PXDNL: variants seen among roughly 807,000 people sequenced by gnomAD.
PXDNL encodes peroxidasin like.
In PXDNL, 145 loss-of-function variants were observed where a neutral mutation model predicts 150.8. That is an observed-to-expected ratio of 0.96 (90% confidence interval 0.84 to 1.10). The LOEUF (loss-of-function observed/expected upper bound fraction) is 1.10. Among genes scored for constraint, PXDNL ranks in the 50% least tolerant of loss-of-function variants. The pLI, the probability that PXDNL is intolerant of heterozygous loss-of-function variation, is 0.00. For missense variants in PXDNL, 2,087 were observed against 1,873.9 expected (o/e 1.11, Z -2.10); for synonymous variants, 757 against 725.7 (o/e 1.04, Z -0.69).
chr8:51,350,376 T>TTTTTTTTTTTTTTTTTTG (rs1806310577), intron 19 of PXDNL, among the ~76,000 whole-genome samples: 1 of 144,298 alleles, frequency 6.9e-6, no homozygotes, highest in African/African-American at 2.8e-5. Flanking sequence ...TTTTTTTTTT[T>TTTTTTTTTTTTTTTTTTG]GAGAGGGAGT....
intron 17 of PXDNL, among the ~76,000 whole-genome samples, chr8:51,384,155 T>C (rs575808484): frequency 6.6e-6 from 1 of 152,294 alleles, no homozygotes; most frequent in African/African-American, 2.4e-5. Flanking sequence ...ATTTGAAACA[T>C]GTCCTTTGGC....
Position 51,461,540 on chromosome 8 carries a change from C to T in PXDNL, c.813-3873G>A, listed in dbSNP as rs183065129. On this transcript the variant is annotated intron_variant, in intron 8 of 22. Coordinates refer to ENST00000356297, the MANE Select transcript of PXDNL (RefSeq NM_144651.5). ...AAAAACCCAAGCCGTGGGCACTACA[C>T]CAACTGCATAGCCAAAACAACTCCA... Among the ~76,000 whole-genome samples, 3 of 152,378 alleles carry T rather than the reference C, an allele frequency of 2.0e-5. No homozygotes were observed. The East Asian group carries it at 5.8e-4, about 29-fold the overall frequency.
chr8:51,525,446 G>A (rs897289733), intron 4 of PXDNL, among the ~76,000 whole-genome samples: 1 of 152,118 alleles, frequency 6.6e-6, no homozygotes, highest in Admixed American at 6.5e-5. Context: ...GGTCTGCTTC[G>A]CTCTCTATCT....
chr8:51,626,264 C>T (rs546961095), intron 2 of PXDNL, among the ~76,000 whole-genome samples: 2 of 152,310 alleles, frequency 1.3e-5, no homozygotes, highest in South Asian at 4.1e-4. Flanking sequence ...CTCATCTATA[C>T]AACTACATAA....
At chr8:51,523,095 T>A (rs1333537584) in intron 4 of PXDNL, among the ~76,000 whole-genome samples, 2 of 152,112 alleles carry the variant, frequency 1.3e-5, no homozygotes, top group African/African-American at 4.8e-5. Flanking sequence ...TAACCTATCA[T>A]TAAAAAACCA....
intron 19 of PXDNL, among the ~76,000 whole-genome samples, chr8:51,366,799 T>A (rs1295334161): frequency 2.0e-5 from 3 of 151,936 alleles, no homozygotes; most frequent in Non-Finnish European, 4.4e-5. Context: ...GAAATCTTCT[T>A]AAGCATAAAA....
chr8:51,369,505 T>A (rs1807026750), intron 19 of PXDNL, among the ~76,000 whole-genome samples: 1 of 152,178 alleles, frequency 6.6e-6, no homozygotes, highest in Admixed American at 6.5e-5. Context: ...CGCTTGTTAG[T>A]CAGAAAGTAC....
At chr8:51,599,246 G>A (rs1813640583) in intron 2 of PXDNL, among the ~76,000 whole-genome samples, 1 of 151,886 alleles carries the variant, frequency 6.6e-6, no homozygotes, top group Non-Finnish European at 1.5e-5. Flanking sequence ...TTTCTGCTTT[G>A]ATTTTATTTA....
chr8:51,426,614 T>A (rs1258125030), intron 13 of PXDNL, 32 bp downstream of exon 13: 1 of 1,251,014 alleles, frequency 8.0e-7, no homozygotes, highest in East Asian at 2.4e-5. Flanking sequence ...TCAGTGTTTT[T>A]AATATTACTG....
intron 1 of PXDNL, among the ~76,000 whole-genome samples, chr8:51,681,017 T>A (rs1313487528): frequency 6.6e-6 from 1 of 152,080 alleles, no homozygotes; most frequent in Admixed American, 6.5e-5. Flanking sequence ...ACATGTGGTT[T>A]TTCGTGCAGA....
At chr8:51,410,826 G>T (rs1808612586) in intron 16 of PXDNL, among the ~76,000 whole-genome samples, 1 of 152,048 alleles carries the variant, frequency 6.6e-6, no homozygotes, top group African/African-American at 2.4e-5. Flanking sequence ...AAAATCAAAA[G>T]AACTGGGGAG....
intron 1 of PXDNL, among the ~76,000 whole-genome samples, chr8:51,758,708 A>C (rs920159941): frequency 2.0e-5 from 3 of 152,070 alleles, no homozygotes; most frequent in Non-Finnish European, 4.4e-5. Context: ...CCTTCCCTTC[A>C]CCTTCTGCCA....
intron 2 of PXDNL, among the ~76,000 whole-genome samples, chr8:51,594,001 C>T (rs980707140): frequency 1.3e-5 from 2 of 152,162 alleles, no homozygotes; most frequent in African/African-American, 4.8e-5. Flanking sequence ...AAACCTTGTC[C>T]TGGGAGAATT....
intron 2 of PXDNL, among the ~76,000 whole-genome samples, chr8:51,601,632 G>C (rs1479023786): frequency 6.6e-6 from 1 of 151,948 alleles, no homozygotes; most frequent in Non-Finnish European, 1.5e-5. Flanking sequence ...TGAATCTCTT[G>C]AAGACAGTAA....
chr8:51,661,225 G>A lies in PXDNL; in HGVS notation c.165-6465C>T, dbSNP rs140200585. Among the ~76,000 whole-genome samples, 19 of 152,130 alleles carry A rather than the reference G, an allele frequency of 1.2e-4. No individual in the cohort carries two copies. The East Asian group carries it at 3.3e-3, about 26-fold the overall frequency. On this transcript the variant is annotated intron_variant, in intron 1 of 22. Coordinates refer to ENST00000356297, the MANE Select transcript of PXDNL (RefSeq NM_144651.5). ...CTGAGGAAGGCTCCTGAATTTTCTC[G>A]AATCTCCAGTGCACTTCCTGCCTCC... is the stretch of plus-strand genomic sequence containing the variant.
At chr8:51,390,065 C>A (rs1807847630) in intron 17 of PXDNL, among the ~76,000 whole-genome samples, 1 of 151,618 alleles carries the variant, frequency 6.6e-6, no homozygotes. Flanking sequence ...GCCCCCCCCA[C>A]CAAAAAAAAA....
At chr8:51,787,300 G>A (rs2037469257) in intron 1 of PXDNL, among the ~76,000 whole-genome samples, 1 of 152,090 alleles carries the variant, frequency 6.6e-6, no homozygotes, top group South Asian at 2.1e-4. Context: ...ATTTCTTATG[G>A]CTACAGCTGC....
At chr8:51,376,311 T>C (rs1015534999) in intron 17 of PXDNL, among the ~76,000 whole-genome samples, 3 of 152,174 alleles carry the variant, frequency 2.0e-5, no homozygotes, top group Admixed American at 2.0e-4. Context: ...CTTATTCCAT[T>C]TTACTTTATT....
At chr8:51,432,092 T>C (rs1447476507) in intron 12 of PXDNL, among the ~76,000 whole-genome samples, 2 of 152,226 alleles carry the variant, frequency 1.3e-5, no homozygotes, top group Non-Finnish European at 2.9e-5. Context: ...TTTTACTTCT[T>C]ATTGAAAAAG....
Sources: allele counts gnomAD v4.1 joint callset (sites outside exome capture counted in the v4.1 genomes callset), GRCh38; gene constraint gnomAD v4.1.1; transcripts MANE v1.5; gene names NCBI Gene and HGNC (gene_info 2026-07-23, HGNC 2026-07-21).